The following MAP4K4 variants were observed in gnomAD, a reference collection of about 807,000 sequenced individuals.
The protein encoded by MAP4K4 is mitogen-activated protein kinase kinase kinase kinase 4, also known as HPK/GCK-like kinase HGK.
MAP4K4 carries 38 observed loss-of-function variants against 189.6 expected under a neutral mutation model. That is an observed-to-expected ratio of 0.20 (90% CI 0.15 to 0.26). The LOEUF (loss-of-function observed/expected upper bound fraction) is 0.26. MAP4K4 is among the 10% of genes least tolerant of loss of function. The pLI is 1.00. For synonymous variants in MAP4K4, 610 were observed against 624.3 expected (o/e 0.98, Z 0.34); for missense variants, 1,054 against 1,726.9 (o/e 0.61, Z 6.91).
rs1027538823 is a variant in MAP4K4 at position 101,744,540 on chromosome 2, A to G, written c.123+46002A>G. Among the ~76,000 whole-genome samples, 13 of 152,122 alleles carry G rather than the reference A, an allele frequency of 8.5e-5. No individual in the cohort carries two copies. The Middle Eastern group carries it at 0.01, about 119-fold the overall frequency. On this transcript the variant is annotated intron_variant, in intron 2 of 32. Transcript: ENST00000324219. ...TCTAGATGTTAGATTTGTAGAGCCT[A>G]CCTTTTGACCAGCACAAGAGAGGCC...
intron 10 of MAP4K4, 59 bp downstream of exon 10, chr2:101,840,053 C>G (rs2096869979): frequency 6.7e-7 from 1 of 1,492,826 alleles, no homozygotes; most frequent in East Asian, 2.3e-5. Context: ...TTCTTGCCAA[C>G]TAGAGTAGGT....
chr2:101,822,974 C>T (rs1172337646), intron 3 of MAP4K4, among the ~76,000 whole-genome samples: 1 of 152,162 alleles, frequency 6.6e-6, no homozygotes, highest in Non-Finnish European at 1.5e-5. Flanking sequence ...CTCACTTTAA[C>T]TCTGCTTTCC....
chr2:101,831,894 A>G, intron 7 of MAP4K4, 43 bp downstream of exon 7: 6 of 1,603,470 alleles, frequency 3.7e-6, no homozygotes, highest in South Asian at 3.4e-5. Context: ...GGCCACTGGC[A>G]TACCCGAGGG....
At chr2:101,803,079 C>G (rs1354097676) in intron 3 of MAP4K4, among the ~76,000 whole-genome samples, 1 of 152,242 alleles carries the variant, frequency 6.6e-6, no homozygotes, top group Non-Finnish European at 1.5e-5. Flanking sequence ...AGCCACTGAG[C>G]ATGGCCAGTT....
At chr2:101,876,908 CT>C in intron 26 of MAP4K4, 94 bp from the exon 27 acceptor site, 2 of 1,314,928 alleles carry the variant, frequency 1.5e-6, no homozygotes, top group Non-Finnish European at 2.1e-6. Flanking sequence ...GGAAGCTACA[CT>C]TTTTTCCAAA....
At chr2:101,887,844 G>T (rs1471865541) in exon 31 of MAP4K4, 8 of 1,613,354 alleles carry the variant, frequency 5.0e-6, no homozygotes, top group Admixed American at 3.3e-5. Flanking sequence ...GGAGCTTCTG[G>T]TGTGCTATGA....
intron 12 of MAP4K4, among the ~76,000 whole-genome samples, chr2:101,855,613 T>C (rs2097428528): frequency 1.3e-5 from 2 of 152,214 alleles, no homozygotes; most frequent in South Asian, 4.1e-4. Context: ...CCTTTATTTC[T>C]TTCTCTTAAT....
intron 3 of MAP4K4, among the ~76,000 whole-genome samples, chr2:101,814,503 A>C (rs541377430): frequency 1.3e-5 from 2 of 152,342 alleles, no homozygotes; most frequent in Non-Finnish European, 2.9e-5. Flanking sequence ...TTTCATAATA[A>C]AGACAGGATC....
At chr2:101,788,779 A>G (rs1329372773) in intron 2 of MAP4K4, among the ~76,000 whole-genome samples, 2 of 152,152 alleles carry the variant, frequency 1.3e-5, no homozygotes, top group Non-Finnish European at 2.9e-5. Context: ...AGTCTTGAGG[A>G]TACACACTTG....
intron 12 of MAP4K4, among the ~76,000 whole-genome samples, chr2:101,845,600 A>G (rs766292775): frequency 6.6e-6 from 1 of 152,206 alleles, no homozygotes; most frequent in African/African-American, 2.4e-5. Context: ...TTGTAACACA[A>G]TGGTAAGTAT....
exon 19 of MAP4K4, chr2:101,866,565 G>A (rs1367108988): frequency 2.5e-6 from 4 of 1,612,836 alleles, no homozygotes; most frequent in African/African-American, 1.3e-5. Flanking sequence ...TCCGGGGAAC[G>A]CTTCAGAGTG....
In MAP4K4 at chr2:101,842,806, A is replaced by G. The variant is rs17801985; in HGVS notation, c.1022+125A>G. The G allele has an allele frequency of 0.19, 118,829 of 612,446 alleles. 14,346 individuals are homozygous for G. The highest frequency in any genetic ancestry group is 0.24 in the Non-Finnish European group (83,679 of 354,812). The allele number at this position is 612,446 out of a possible 1,614,324, so 37.9% of individuals were successfully genotyped here. A position where few individuals can be genotyped will look rare whatever the true frequency, so the allele number is the denominator to read the frequency against. On this transcript the variant is annotated intron_variant, in intron 11 of 32. Transcript: ENST00000324219. ...TAAATTACTTAGACAGCATCTTACT[A>G]TCTCCATTCTTCTCTATTCTTGACA...
At chr2:101,883,509 T>C (rs2098437965) in intron 28 of MAP4K4, among the ~76,000 whole-genome samples, 1 of 151,434 alleles carries the variant, frequency 6.6e-6, no homozygotes, top group South Asian at 2.1e-4. Flanking sequence ...ATCAAAACAA[T>C]TTTTTTTTAA....
At chr2:101,886,596 T>G (rs928850157) in intron 29 of MAP4K4, among the ~76,000 whole-genome samples, 13 of 152,200 alleles carry the variant, frequency 8.5e-5, no homozygotes, top group Non-Finnish European at 1.9e-4. Context: ...GAACATATCT[T>G]CTGGAAGAAG....
chr2:101,783,858 G>T (rs1003896190), intron 2 of MAP4K4, among the ~76,000 whole-genome samples: 42 of 152,312 alleles, frequency 2.8e-4, no homozygotes, highest in African/African-American at 9.4e-4. Flanking sequence ...TCTTCTAGAT[G>T]TGCAGTGTAT....
rs7583833 is a variant in MAP4K4 at position 101,874,290 on chromosome 2, G to C, written c.3241+38G>C. On this transcript the variant is annotated intron_variant, in intron 26 of 32. Coordinates refer to ENST00000324219, the Ensembl canonical transcript of MAP4K4. Reference sequence around the variant, plus strand: ...CCACTACTCCAACACTTTCATTTTTGTTCTGAGTGGTGGCTGGTCTTCTAG... The same window carrying C: ...CCACTACTCCAACACTTTCATTTTTCTTCTGAGTGGTGGCTGGTCTTCTAG... 36,424 of 1,558,672 alleles carry C rather than the reference G, an allele frequency of 0.023. 3,389 individuals carry two copies. In the African/African-American group the frequency reaches 0.29, roughly 13 times the overall value.
At chr2:101,725,775 C>A (rs1157711901) in intron 2 of MAP4K4, among the ~76,000 whole-genome samples, 2 of 152,202 alleles carry the variant, frequency 1.3e-5, no homozygotes, top group Non-Finnish European at 2.9e-5. Flanking sequence ...GCATGTGTGG[C>A]TGGTGACTTG....
chr2:101,893,354 G>A (rs1266746252), exon 33 of MAP4K4: 5 of 424,214 alleles, frequency 1.2e-5, no homozygotes, highest in South Asian at 5.1e-5. Context: ...GGCCAAAGCC[G>A]CCTACTGGTT....
intron 2 of MAP4K4, among the ~76,000 whole-genome samples, chr2:101,704,330 A>G (rs2040727999): frequency 6.6e-6 from 1 of 151,906 alleles, no homozygotes; most frequent in African/African-American, 2.4e-5. Context: ...AAGAGTTTCA[A>G]CCCTTACTTT....
Sources: gnomAD v4.1 joint callset for allele counts (sites outside exome capture counted in the v4.1 genomes callset) on GRCh38, gnomAD v4.1.1 for gene constraint, MANE v1.5 for transcripts, NCBI Gene and HGNC (gene_info 2026-07-23, HGNC 2026-07-21) for gene names.